NFATC2IP: variants seen among roughly 807,000 people sequenced by gnomAD.
The protein encoded by NFATC2IP is nuclear factor of activated T cells 2 interacting protein.
NFATC2IP carries 25 observed loss-of-function variants against 40.2 expected under a neutral mutation model. The observed-to-expected ratio is 0.62, with a 90% CI of 0.45 to 0.87. The LOEUF is 0.87. Among genes scored for constraint, NFATC2IP ranks in the 40% least tolerant of loss-of-function variants. The pLI, the probability that NFATC2IP is intolerant of heterozygous loss-of-function variation, is 0.00. For synonymous variants in NFATC2IP, 241 were observed against 236.3 expected (o/e 1.02, Z -0.18); for missense variants, 553 against 555.6 (o/e 1.00, Z 0.05).
In NFATC2IP at chr16:28,958,977, T is replaced by C. The variant is rs775528005; in HGVS notation, c.992-14T>C. Reference sequence around the variant, plus strand: ...CCCCACTTAGCCCTGGCTTCCTGATTCTGCCTCCCACAGACTGTGTGGTAC... The same window carrying C: ...CCCCACTTAGCCCTGGCTTCCTGATCCTGCCTCCCACAGACTGTGTGGTAC... On this transcript the variant is annotated splice_polypyrimidine_tract_variant and intron_variant, in intron 6 of 7. Transcript: ENST00000320805. 6.2e-7 allele frequency: 1 copy of C among 1,610,440 alleles called. No homozygotes were observed.
At chr16:28,961,328 A>G (rs924972029) in intron 7 of NFATC2IP, among the ~76,000 whole-genome samples, 81 of 70,470 alleles carry the variant, frequency 1.1e-3, no homozygotes, top group African/African-American at 3.3e-3. Context: ...CCTATCTGAA[A>G]AAAAAAAAAA....
At position 28,952,125 on chromosome 16, in the gene NFATC2IP, T is replaced by G; in HGVS notation, c.388-7T>G. ...GCCTGACCCCTCTCCCTTCTTTGTC[T>G]TTGCAGGTTAAAAGCAGCCTTCGCC... On this transcript the variant is annotated splice_polypyrimidine_tract_variant and splice_region_variant and intron_variant, in intron 1 of 7. Transcript: ENST00000320805. 6.2e-7 allele frequency: 1 copy of G among 1,613,888 alleles called. No homozygotes were observed. The highest frequency in any genetic ancestry group is 8.5e-7 in the Non-Finnish European group (1 of 1,179,882).
chr16:28,963,957 C>G lies in NFATC2IP; in HGVS notation c.*94C>G, dbSNP rs999492231. The stretch of plus-strand genomic sequence containing the variant: ...AGGGCTAGCATAAGCTGAGGTAGAA[C>G]TTATCTTTAAGCTGCAGCAAAATCA... On this transcript the variant is annotated 3_prime_UTR_variant, in exon 8 of 8. Coordinates refer to ENST00000320805, the MANE Select transcript of NFATC2IP (RefSeq NM_032815.4). 2 of 1,188,446 alleles carry G rather than the reference C, an allele frequency of 1.7e-6. No individual in the cohort carries two copies. The highest frequency in any genetic ancestry group is 4.7e-5 in the Admixed American group (2 of 42,312). The allele number at this position is 1,188,446 out of a possible 1,614,324, so 73.6% of individuals were successfully genotyped here.
intron 7 of NFATC2IP, among the ~76,000 whole-genome samples, chr16:28,961,926 C>T (rs1297396617): frequency 8.3e-6 from 1 of 119,896 alleles, no homozygotes; most frequent in Non-Finnish European, 1.9e-5. Flanking sequence ...AAAAAAAAGA[C>T]AGGGTCTTGC....
Position 28,964,055 on chromosome 16 carries a change from G to T in NFATC2IP, c.*192G>T. On this transcript the variant is annotated 3_prime_UTR_variant, in exon 8 of 8. Transcript: ENST00000320805. ...TAACCACTTGGTGAGTTATGTGGGT[G>T]TTGTTGCCCTGGGTGGCCTGTGGCT... 1.7e-6 allele frequency: 1 copy of T among 587,676 alleles called. No homozygotes were observed. The allele number at this position is 587,676 out of a possible 1,614,324, so 36.4% of individuals were successfully genotyped here.
intron 7 of NFATC2IP, 88 bp from the exon 8 acceptor site, chr16:28,963,617 C>A: frequency 8.4e-7 from 1 of 1,193,774 alleles, no homozygotes; most frequent in Non-Finnish European, 1.2e-6. Flanking sequence ...CTGCCGCCAT[C>A]CTCCCTGTCC....
chr16:28,962,695 T>C (rs1309641282), intron 7 of NFATC2IP, among the ~76,000 whole-genome samples: 2 of 152,176 alleles, frequency 1.3e-5, no homozygotes, highest in Non-Finnish European at 2.9e-5. Flanking sequence ...CCAGGAAACA[T>C]ACAAAGACCA....
rs1283396045 is a variant in NFATC2IP, at chr16:28,951,268, A to C, written c.257A>C (p.Asp86Ala). The C allele has an allele frequency of 6.8e-7, 1 of 1,479,892 alleles. No homozygotes were observed. The highest frequency in any genetic ancestry group is 9.0e-7 in the Non-Finnish European group (1 of 1,109,712). The allele number at this position is 1,479,892 out of a possible 1,614,324, so 91.7% of individuals were successfully genotyped here. The change falls in exon 1 of 8, where the codon GAT becomes GCT. Residue 86 changes from aspartate to alanine, a missense_variant. Transcript: ENST00000320805. Reference sequence around the variant, plus strand: ...CCCCCGGGGCCGGTCGCGTCCCGGGATAACAGCAACAGTGACAGCGAAGGG... The same window carrying C: ...CCCCCGGGGCCGGTCGCGTCCCGGGCTAACAGCAACAGTGACAGCGAAGGG... The part of the protein sequence containing the change: ...PEPPGPVASR[D>A]NSNSDSEGED...
intron 2 of NFATC2IP, 83 bp from the exon 3 acceptor site, chr16:28,954,482 T>G: frequency 1.2e-6 from 1 of 863,412 alleles, no homozygotes; most frequent in Non-Finnish European, 1.9e-6. Flanking sequence ...AGGACCTTCT[T>G]GAAGCCTCTG....
Position 28,951,051 on chromosome 16 carries a change from G to A in NFATC2IP, c.40G>A (p.Gly14Ser), listed in dbSNP as rs769740053. 1.9e-6 allele frequency: 3 copies of A among 1,544,224 alleles called. No homozygotes were observed. Among genetic ancestry groups the A allele is most frequent in the Non-Finnish European group, 2.6e-6 (3 of 1,146,108 alleles). The change falls in exon 1 of 8, where the codon GGT (glycine) becomes AGT (serine). Residue 14 changes from glycine to serine, a missense_variant. By Grantham distance (56) the Gly-to-Ser change is moderately conservative. Transcript: ENST00000320805. ...GGGGAAGCGGGGCCGCTGGTCCGGA[G>A]GTAGCGGTGCCGGCCGAGGGGGTCG... ...PVGKRGRWSG[G>S]SGAGRGGRGG...
chr16:28,964,081 C>A lies in NFATC2IP; in HGVS notation c.*218C>A. 1.8e-6 allele frequency: 1 copy of A among 549,996 alleles called. No individual in the cohort carries two copies. The highest frequency in any genetic ancestry group is 2.2e-5 in the South Asian group (1 of 44,824). 34.1% of individuals were successfully genotyped at this position (549,996 alleles called of 1,614,324 possible). On this transcript the variant is annotated 3_prime_UTR_variant, in exon 8 of 8. Transcript: ENST00000320805. Reference sequence around the variant, plus strand: ...TTGTTGCCCTGGGTGGCCTGTGGCTCCGTCCACAAGTCATGCTGAGTTTTG... The same window carrying A: ...TTGTTGCCCTGGGTGGCCTGTGGCTACGTCCACAAGTCATGCTGAGTTTTG...
chr16:28,952,802 G>T (rs1048773086), intron 2 of NFATC2IP, among the ~76,000 whole-genome samples: 1 of 151,352 alleles, frequency 6.6e-6, no homozygotes, highest in South Asian at 2.1e-4. Flanking sequence ...GAGTGCAATG[G>T]CACGATCTCG....
chr16:28,961,899 C>CAAAA lies in NFATC2IP; in HGVS notation c.1102-1785_1102-1782dup, dbSNP rs1161300546. Among the ~76,000 whole-genome samples, 148 of 49,070 alleles carry CAAAA rather than the reference C, an allele frequency of 3.0e-3. 4 individuals are homozygous for CAAAA. The highest frequency in any genetic ancestry group is 0.043 in the Middle Eastern group (2 of 46). The allele number at this position is 49,070 out of a possible 152,430, so 32.2% of individuals were successfully genotyped here. A position where few individuals can be genotyped will look rare whatever the true frequency, so the allele number is the denominator to read the frequency against. On this transcript the variant is annotated intron_variant, in intron 7 of 7. Transcript: ENST00000320805. ...TGGGCGACAGAGCTAGACTTCGTCTCAAAAAAAAAAAAAAAAAAAAAAAAG... is the reference window on the plus strand; with the variant it reads ...TGGGCGACAGAGCTAGACTTCGTCTCAAAAAAAAAAAAAAAAAAAAAAAAAAAAG...
Position 28,954,559 on chromosome 16 carries a change from C to A in NFATC2IP, c.461-6C>A. The A allele has an allele frequency of 2.5e-6, 4 of 1,597,238 alleles. No homozygotes were observed. Among genetic ancestry groups the A allele is most frequent in the Non-Finnish European group, 3.4e-6 (4 of 1,165,384 alleles). Reference sequence around the variant, plus strand: ...CCCCTTCTACCTTCTCTTCCTCTGCCCCCAGAGGCAGAGCTGGCAGATTCG... The same window carrying A: ...CCCCTTCTACCTTCTCTTCCTCTGCACCCAGAGGCAGAGCTGGCAGATTCG... On this transcript the variant is annotated splice_polypyrimidine_tract_variant and splice_region_variant and intron_variant, in intron 2 of 7. Transcript: ENST00000320805.
Position 28,956,073 on chromosome 16 carries a change from G to A in NFATC2IP, c.659+15G>A, listed in dbSNP as rs1965018029. 4 of 1,613,824 alleles carry A rather than the reference G, an allele frequency of 2.5e-6. No homozygotes were observed. The highest frequency in any genetic ancestry group is 1.7e-5 in the Admixed American group (1 of 59,982). On this transcript the variant is annotated intron_variant, in intron 4 of 7. Transcript: ENST00000320805. ...AAGAAGTTAAGGTGCCAAGTGCAGGGGCTCTGGCTGGGATGGAAGAGGGCA... is the reference window on the plus strand; with the variant it reads ...AAGAAGTTAAGGTGCCAAGTGCAGGAGCTCTGGCTGGGATGGAAGAGGGCA...
At chr16:28,963,660 C>T in intron 7 of NFATC2IP, 45 bp from the exon 8 acceptor site, 1 of 1,584,204 alleles carries the variant, frequency 6.3e-7, no homozygotes, top group African/African-American at 1.3e-5. Context: ...GGGATCCCCG[C>T]CCCCTTTCAT....
At chr16:28,952,313 C>A in intron 2 of NFATC2IP, 109 bp downstream of exon 2, 2 of 1,534,080 alleles carry the variant, frequency 1.3e-6, no homozygotes, top group Non-Finnish European at 1.8e-6. Flanking sequence ...AAGGGAAGAG[C>A]GTGGGAGAGG....
Position 28,950,993 on chromosome 16 carries a change from T to G in NFATC2IP, c.-19T>G. The G allele has an allele frequency of 6.8e-7, 1 of 1,477,524 alleles. No individual in the cohort carries two copies. Among genetic ancestry groups the G allele is most frequent in the East Asian group, 2.5e-5 (1 of 39,828 alleles). The allele number at this position is 1,477,524 out of a possible 1,614,324, so 91.5% of individuals were successfully genotyped here. A position where few individuals can be genotyped will look rare whatever the true frequency, so the allele number is the denominator to read the frequency against. On this transcript the variant is annotated 5_prime_UTR_variant, in exon 1 of 8. Transcript: ENST00000320805. ...CGAGGCGAGAGGAGGCGGGCGTGTGTTGTGGAGGAAAGTGTGCCATGGCGG... is the reference window on the plus strand; with the variant it reads ...CGAGGCGAGAGGAGGCGGGCGTGTGGTGTGGAGGAAAGTGTGCCATGGCGG...
chr16:28,958,985 C>T lies in NFATC2IP; in HGVS notation c.992-6C>T. 1 of 1,611,598 alleles carries T rather than the reference C, an allele frequency of 6.2e-7. No homozygotes were observed. Among genetic ancestry groups the T allele is most frequent in the Non-Finnish European group, 8.5e-7 (1 of 1,177,700 alleles). On this transcript the variant is annotated splice_polypyrimidine_tract_variant and splice_region_variant and intron_variant, in intron 6 of 7. Transcript: ENST00000320805. The stretch of plus-strand genomic sequence containing the variant: ...AGCCCTGGCTTCCTGATTCTGCCTC[C>T]CACAGACTGTGTGGTACTAACAAGT...
Sources: allele counts gnomAD v4.1 joint callset (sites outside exome capture counted in the v4.1 genomes callset), GRCh38; gene constraint gnomAD v4.1.1; transcripts MANE v1.5; gene names NCBI Gene and HGNC (gene_info 2026-07-23, HGNC 2026-07-21).